PHF14: variants seen among roughly 807,000 people sequenced by gnomAD.
The protein encoded by PHF14 is PHD finger protein 14.
In PHF14, 55 loss-of-function variants were observed where a neutral mutation model predicts 117.9. The observed-to-expected ratio is 0.47, with a 90% CI of 0.38 to 0.58. The LOEUF (loss-of-function observed/expected upper bound fraction) is 0.58. Ranked by LOEUF, PHF14 falls within the 20% of genes least tolerant of loss-of-function variation. The probability of loss-of-function intolerance (pLI) is 0.00; values close to 1 mark genes in which losing one functional copy is unlikely to be tolerated. For synonymous variants in PHF14, 409 were observed against 368.6 expected, an observed-to-expected ratio of 1.11 and a Z score of -1.26; for missense variants, 978 against 1,122.2, an observed-to-expected ratio of 0.87 and a Z score of 1.84.
chr7:11,042,978 T>TG (rs1682963502), intron 13 of PHF14, among the ~76,000 whole-genome samples, 164 bp downstream of exon 13: 1 of 62,840 alleles, frequency 1.6e-5, no homozygotes, highest in South Asian at 6.4e-4. Flanking sequence ...CTATAACAGC[T>TG]TTTTTGAGAA....
intron 4 of PHF14, among the ~76,000 whole-genome samples, chr7:11,012,048 A>G (rs1183442024): frequency 2.0e-5 from 3 of 152,180 alleles, no homozygotes; most frequent in Non-Finnish European, 2.9e-5. Flanking sequence ...GACATTGCTT[A>G]CCAGCAGATT....
rs567757847 is a variant in PHF14, at chr7:11,096,124, G to A, written c.2655-15226G>A. On this transcript the variant is annotated intron_variant, in intron 16 of 17. Transcript: ENST00000634607. ...TTAATCACATGGTTTTCCCAGTCAT[G>A]CAAAGTTCATTTTGGTTCTTTTATT... Among the ~76,000 whole-genome samples the A allele has an allele frequency of 3.3e-5, 5 of 152,154 alleles. No individual in the cohort carries two copies. In the South Asian group the frequency reaches 6.2e-4, roughly 19 times the overall value.
intron 12 of PHF14, 140 bp downstream of exon 12, chr7:11,040,915 C>A: frequency 2.1e-6 from 1 of 466,666 alleles, no homozygotes; most frequent in Non-Finnish European, 3.8e-6. Flanking sequence ...TTCATTTTCT[C>A]AAAAGATGCA....
chr7:11,055,150 C>A (rs1052026438), intron 14 of PHF14, among the ~76,000 whole-genome samples: 1 of 152,112 alleles, frequency 6.6e-6, no homozygotes, highest in Non-Finnish European at 1.5e-5. Flanking sequence ...ATTTTCTCTG[C>A]ATTATTTTCT....
chr7:11,125,174 AT>A (rs143463060), intron 17 of PHF14, among the ~76,000 whole-genome samples: 13 of 151,518 alleles, frequency 8.6e-5, no homozygotes, highest in African/African-American at 2.2e-4. Context: ...TCTAAAGGTG[AT>A]TTTTTTTTAT....
At chr7:11,064,443 A>G (rs1421334038) in intron 16 of PHF14, among the ~76,000 whole-genome samples, 1 of 151,924 alleles carries the variant, frequency 6.6e-6, no homozygotes, top group Admixed American at 6.6e-5. Context: ...TTACTCAGAC[A>G]TACGTGTATG....
rs1304245333 is a variant in PHF14, at chr7:10,991,752, TTTTTTAA to T, written c.1045+911_1045+917del. 3.7e-3 allele frequency among the ~76,000 whole-genome samples: 442 copies of T among 120,506 alleles called. 4 individuals are homozygous for T. Among genetic ancestry groups the T allele is most frequent in the Non-Finnish European group, 5.7e-3 (348 of 61,362 alleles). The allele number at this position is 120,506 out of a possible 152,430, so 79.1% of individuals were successfully genotyped here. A position where few individuals can be genotyped will look rare whatever the true frequency, so the allele number is the denominator to read the frequency against. On this transcript the variant is annotated intron_variant, in intron 4 of 17. Transcript: ENST00000634607. The stretch of plus-strand genomic sequence containing the variant: ...TGTTTGTTTTTTTTTAATTTTTTAA[TTTTTTAA>T]TTTTTTTTTTTTTTTTTTGGTAGAG...
intron 17 of PHF14, among the ~76,000 whole-genome samples, chr7:11,113,803 A>C (rs982087873): frequency 1.3e-5 from 2 of 152,160 alleles, no homozygotes; most frequent in Non-Finnish European, 2.9e-5. Flanking sequence ...TTACAGCCTA[A>C]GAAGAAAGCA....
intron 13 of PHF14, among the ~76,000 whole-genome samples, chr7:11,044,769 T>G (rs1380470650): frequency 2.0e-5 from 3 of 152,286 alleles, no homozygotes; most frequent in Admixed American, 1.3e-4. Context: ...GTCTATTGCA[T>G]CTGGATGGTA....
intron 16 of PHF14, chr7:11,102,741 T>A: frequency 1.5e-6 from 2 of 1,378,624 alleles, no homozygotes; most frequent in East Asian, 2.6e-5. Context: ...TGTGTGGAAT[T>A]TTTTTTCCTA....
At chr7:11,117,108 C>G (rs1787620101) in intron 17 of PHF14, among the ~76,000 whole-genome samples, 1 of 151,874 alleles carries the variant, frequency 6.6e-6, no homozygotes, top group Non-Finnish European at 1.5e-5. Context: ...TTTAAAAGTG[C>G]TTCCTCCAGG....
chr7:10,980,785 G>T (rs1419236881), intron 2 of PHF14, among the ~76,000 whole-genome samples: 1 of 152,120 alleles, frequency 6.6e-6, no homozygotes, highest in African/African-American at 2.4e-5. Context: ...TTCACTGGGG[G>T]TATTAGTGTA....
chr7:10,980,904 T>C (rs1782025465), intron 2 of PHF14, among the ~76,000 whole-genome samples: 1 of 152,178 alleles, frequency 6.6e-6, no homozygotes, highest in East Asian at 1.9e-4. Context: ...CCGTATGATA[T>C]TGCTCTTGTA....
intron 16 of PHF14, among the ~76,000 whole-genome samples, chr7:11,078,812 A>G (rs939871931): frequency 2.0e-5 from 3 of 152,162 alleles, no homozygotes; most frequent in Non-Finnish European, 2.9e-5. Context: ...GTTTGTAAGA[A>G]ACATTTTGTA....
intron 17 of PHF14, among the ~76,000 whole-genome samples, chr7:11,145,972 T>C (rs1342690704): frequency 3.3e-5 from 5 of 152,074 alleles, no homozygotes; most frequent in Non-Finnish European, 7.4e-5. Flanking sequence ...CTCTTGAATA[T>C]GTTGAGCCTA....
chr7:10,989,356 A>T (rs1436214282), intron 3 of PHF14, among the ~76,000 whole-genome samples: 1 of 152,084 alleles, frequency 6.6e-6, no homozygotes, highest in Non-Finnish European at 1.5e-5. Flanking sequence ...TATAAAAAAT[A>T]ATAAAACATA....
At chr7:11,001,074 G>A (rs1018969211) in intron 4 of PHF14, among the ~76,000 whole-genome samples, 5 of 151,588 alleles carry the variant, frequency 3.3e-5, no homozygotes, top group East Asian at 3.9e-4. Flanking sequence ...TTTTTGTTAC[G>A]AGTATACGGT....
intron 3 of PHF14, 56 bp from the exon 4 acceptor site, chr7:10,990,647 G>GTTTTT: frequency 1.0e-6 from 1 of 1,003,728 alleles, no homozygotes; most frequent in Non-Finnish European, 1.4e-6. Flanking sequence ...TAGTGATTAA[G>GTTTTT]TTTTTTTTTT....
intron 17 of PHF14, among the ~76,000 whole-genome samples, chr7:11,155,449 T>TA (rs1788814169): frequency 6.6e-6 from 1 of 152,212 alleles, no homozygotes; most frequent in Admixed American, 6.5e-5. Context: ...TATTTTCCAC[T>TA]ACTTTGCTCT....
Sources: allele counts gnomAD v4.1 joint callset (sites outside exome capture counted in the v4.1 genomes callset), GRCh38; gene constraint gnomAD v4.1.1; transcripts MANE v1.5; gene names NCBI Gene and HGNC (gene_info 2026-07-23, HGNC 2026-07-21).